Variants in DNM3 observed in about 807,000 individuals in gnomAD.
The protein encoded by DNM3 is dynamin 3, also known as dynamin-3.
A neutral mutation model predicts 101.6 loss-of-function variants in DNM3; 47 were observed. That is an observed-to-expected ratio of 0.46 (90% CI 0.37 to 0.59). The LOEUF is 0.59. Ranked by LOEUF, DNM3 falls within the 20% of genes least tolerant of loss-of-function variation. The pLI, the probability that DNM3 is intolerant of heterozygous loss-of-function variation, is 0.00. For synonymous variants in DNM3, 385 were observed against 387.9 expected, an observed-to-expected ratio of 0.99 and a Z score of 0.09; for missense variants, 849 against 1,085.7, an observed-to-expected ratio of 0.78 and a Z score of 3.06.
At chr1:172,045,036 G>A (rs934249067) in intron 9 of DNM3, among the ~76,000 whole-genome samples, 1 of 151,948 alleles carries the variant, frequency 6.6e-6, no homozygotes, top group Non-Finnish European at 1.5e-5. Context: ...CTTTCCGGTG[G>A]AAGGGGTGGG....
chr1:171,987,250 G>C, intron 2 of DNM3: 1 of 961,652 alleles, frequency 1.0e-6, no homozygotes, highest in Non-Finnish European at 1.2e-6. Flanking sequence ...TATATAACTT[G>C]GCATTCCATC....
chr1:172,415,537 T>TG (rs57624845), downstream of DNM3, among the ~76,000 whole-genome samples: 47 of 94,648 alleles, frequency 5.0e-4, no homozygotes, highest in Middle Eastern at 6.3e-3. Context: ...TTTTTTTTTT[T>TG]TTTTTTTTTT....
intron 17 of DNM3, among the ~76,000 whole-genome samples, chr1:172,347,195 C>CT (rs962924386): frequency 4.0e-4 from 23 of 56,868 alleles, no homozygotes; most frequent in African/African-American, 2.4e-3. Context: ...CTAGCAGAAG[C>CT]CCCCCCCGCC....
chr1:172,354,139 G>GAGAGAGAGAGAA (rs2067330654), intron 17 of DNM3, among the ~76,000 whole-genome samples: 1 of 150,176 alleles, frequency 6.7e-6, no homozygotes, highest in Non-Finnish European at 1.5e-5. Flanking sequence ...GAGAGAGAGA[G>GAGAGAGAGAGAA]AGAAATAAGA....
chr1:172,043,980 G>T (rs2049586322), intron 8 of DNM3, among the ~76,000 whole-genome samples: 1 of 152,196 alleles, frequency 6.6e-6, no homozygotes, highest in African/African-American at 2.4e-5. Flanking sequence ...ACAAAAGACA[G>T]CCATTGTTAA....
intron 20 of DNM3, 34 bp from the exon 21 acceptor site, chr1:172,407,738 T>C (rs1409299100): frequency 1.9e-6 from 3 of 1,601,908 alleles, no homozygotes; most frequent in South Asian, 1.1e-5. Flanking sequence ...GATATTCTAC[T>C]TGTTTCTTTA....
intron 13 of DNM3, among the ~76,000 whole-genome samples, chr1:172,113,632 A>AC (rs1270615946): frequency 9.9e-5 from 15 of 151,258 alleles, no homozygotes; most frequent in African/African-American, 3.1e-4. Flanking sequence ...AAAAAAAAAA[A>AC]AAAAAAAAAA....
intron 13 of DNM3, among the ~76,000 whole-genome samples, chr1:172,113,435 T>C (rs1488203577): frequency 6.6e-6 from 1 of 152,002 alleles, no homozygotes; most frequent in East Asian, 1.9e-4. Flanking sequence ...CTGGCCGACA[T>C]GGTGAAACCC....
chr1:172,114,708 A>G (rs2147971354), intron 13 of DNM3, among the ~76,000 whole-genome samples: 1 of 152,292 alleles, frequency 6.6e-6, no homozygotes, highest in South Asian at 2.1e-4. Context: ...AGGTACTACT[A>G]TCCTCATTTA....
chr1:171,863,651 G>A (rs940473620), intron 1 of DNM3, among the ~76,000 whole-genome samples: 202 of 152,150 alleles, frequency 1.3e-3, no homozygotes, highest in African/African-American at 4.4e-3. Context: ...CTTTATGTCC[G>A]TTCTCTCCTT....
At chr1:172,109,016 T>G (rs1169868104) in intron 13 of DNM3, among the ~76,000 whole-genome samples, 1 of 152,228 alleles carries the variant, frequency 6.6e-6, no homozygotes, top group African/African-American at 2.4e-5. Context: ...CTATAATTAT[T>G]ATTTGTTTGC....
intron 1 of DNM3, among the ~76,000 whole-genome samples, chr1:171,903,302 T>C (rs1033685387): frequency 1.3e-5 from 2 of 152,180 alleles, no homozygotes; most frequent in African/African-American, 4.8e-5. Flanking sequence ...TTTGCTGTCA[T>C]AGACTAGACA....
At position 172,174,940 on chromosome 1, in the gene DNM3, G is replaced by A. The variant is rs111993102; in HGVS notation, c.1659+43652G>A. 2.5e-3 allele frequency among the ~76,000 whole-genome samples: 372 copies of A among 151,724 alleles called. 1 individual carries two copies. Among genetic ancestry groups the A allele is most frequent in the Non-Finnish European group, 4.3e-3 (293 of 67,744 alleles). On this transcript the variant is annotated intron_variant, in intron 14 of 20. Transcript: ENST00000627582. Reference sequence around the variant, plus strand: ...TTATATCTTTCAAGAACAGAAAGTCGAATAGTGGGATCAGCATCAAGTTGT... The same window carrying A: ...TTATATCTTTCAAGAACAGAAAGTCAAATAGTGGGATCAGCATCAAGTTGT...
intron 20 of DNM3, among the ~76,000 whole-genome samples, chr1:172,401,661 G>A (rs2070493163): frequency 6.6e-6 from 1 of 152,146 alleles, no homozygotes; most frequent in South Asian, 2.1e-4. Context: ...TCCTTTAAGT[G>A]GGCTCCAAGT....
At chr1:172,295,789 A>T (rs1333108378) in intron 15 of DNM3, among the ~76,000 whole-genome samples, 1 of 152,206 alleles carries the variant, frequency 6.6e-6, no homozygotes, top group Admixed American at 6.5e-5. Flanking sequence ...TTTCTGATTG[A>T]GATTAAAACC....
intron 16 of DNM3, among the ~76,000 whole-genome samples, chr1:172,312,677 T>G (rs2065132396): frequency 6.6e-6 from 1 of 152,176 alleles, no homozygotes; most frequent in Non-Finnish European, 1.5e-5. Context: ...CCTCCCTTCT[T>G]TCTTTCCCTT....
At chr1:171,913,189 A>G (rs2039444073) in intron 1 of DNM3, among the ~76,000 whole-genome samples, 1 of 152,216 alleles carries the variant, frequency 6.6e-6, no homozygotes, top group African/African-American at 2.4e-5. Context: ...ATTATTGATT[A>G]TTTAGATTTC....
intron 20 of DNM3, chr1:172,397,274 T>C (rs2070085040): frequency 6.6e-6 from 1 of 152,646 alleles, no homozygotes. Context: ...ATTATTGCCC[T>C]TTGGGGTGGA....
At chr1:172,071,554 T>C (rs143610639) in intron 11 of DNM3, among the ~76,000 whole-genome samples, 35 of 152,278 alleles carry the variant, frequency 2.3e-4, no homozygotes, top group Non-Finnish European at 3.7e-4. Context: ...TGAACAGCTC[T>C]GGGACATTCT....
Sources: allele counts gnomAD v4.1 joint callset (sites outside exome capture counted in the v4.1 genomes callset), GRCh38; gene constraint gnomAD v4.1.1; transcripts MANE v1.5; gene names NCBI Gene and HGNC (gene_info 2026-07-23, HGNC 2026-07-21).